Variants in INPP5D observed in about 807,000 individuals in gnomAD.
INPP5D encodes the protein inositol polyphosphate-5-phosphatase D.
Under a neutral mutation model 122.9 loss-of-function variants are expected in INPP5D, and 33 were observed. The observed-to-expected ratio is 0.27, with a 90% CI of 0.20 to 0.36. The LOEUF is 0.36. INPP5D is among the 10% of genes least tolerant of loss of function. INPP5D has a pLI of 1.00. For missense variants in INPP5D, 1,053 were observed against 1,412.7 expected, an observed-to-expected ratio of 0.75 and a Z score of 4.08; for synonymous variants, 584 against 576.2, an observed-to-expected ratio of 1.01 and a Z score of -0.19.
intron 2 of INPP5D, among the ~76,000 whole-genome samples, chr2:233,121,461 A>T (rs1157693122): frequency 6.6e-6 from 1 of 151,522 alleles, no homozygotes; most frequent in Non-Finnish European, 1.5e-5. Flanking sequence ...AAAAAAATCC[A>T]TATTTCTAAT....
In INPP5D at chr2:233,183,383, T is replaced by C. The variant is rs4503982; in HGVS notation, c.2161+884T>C. ...ACTGTCTTCCTGGGGTGCTCTTATC[T>C]ATCCTATTGTATCTAACATCCATGG... On this transcript the variant is annotated intron_variant, in intron 19 of 26. Transcript: ENST00000445964. The surrounding 1 kb of genome is among the most constrained non-coding windows in gnomAD (Gnocchi z 4.6). Among the ~76,000 whole-genome samples the C allele has an allele frequency of 0.49, 74,773 of 152,044 alleles. 18,621 individuals carry two copies. Among genetic ancestry groups the C allele is most frequent in the African/African-American group, 0.51 (21,129 of 41,478 alleles).
In INPP5D at chr2:233,206,516, G is replaced by GT. The variant is rs1695509069; in HGVS notation, c.3568-190_3568-189insT. Reference sequence around the variant, plus strand: ...CACTCCAGACTAGGCAACAGAGTAAGACCCCATTTCTAAAAAACAATTTTT... The same window carrying GT: ...CACTCCAGACTAGGCAACAGAGTAAGTACCCCATTTCTAAAAAACAATTTTT... On this transcript the variant is annotated intron_variant, in intron 26 of 26. Coordinates refer to ENST00000445964, the MANE Select transcript of INPP5D (RefSeq NM_001017915.3). The surrounding 1 kb of genome is among the most constrained non-coding windows in gnomAD (Gnocchi z 4.0). Among the ~76,000 whole-genome samples, 1 of 152,176 alleles carries GT rather than the reference G, an allele frequency of 6.6e-6. No individual in the cohort carries two copies. Among genetic ancestry groups the GT allele is most frequent in the African/African-American group, 2.4e-5 (1 of 41,440 alleles).
intron 1 of INPP5D, 43 bp from the exon 2 acceptor site, chr2:233,079,292 G>C: frequency 8.1e-7 from 1 of 1,228,588 alleles, no homozygotes; most frequent in Non-Finnish European, 1.2e-6. Flanking sequence ...AGGAAACCGG[G>C]TCTTCCTGCA....
chr2:233,170,957 C>A lies in INPP5D; in HGVS notation c.1901-107C>A. ...CCTCTCCTCTTGGAGCCTTTCCAGC[C>A]ATCCTTTCGTCCCCTTTCCCCTGAT... On this transcript the variant is annotated intron_variant, in intron 16 of 26. Coordinates refer to ENST00000445964, the MANE Select transcript of INPP5D (RefSeq NM_001017915.3). This position sits in a 1 kb window ranked among gnomAD's most constrained non-coding sequence, Gnocchi z 4.5. 1 of 1,411,994 alleles carries A rather than the reference C, an allele frequency of 7.1e-7. No homozygotes were observed. The highest frequency in any genetic ancestry group is 9.6e-7 in the Non-Finnish European group (1 of 1,038,160). 87.5% of individuals were successfully genotyped at this position (1,411,994 alleles called of 1,614,324 possible).
chr2:233,114,320 A>G (rs184434765), intron 2 of INPP5D, among the ~76,000 whole-genome samples: 5 of 152,068 alleles, frequency 3.3e-5, no homozygotes, highest in Non-Finnish European at 5.9e-5. Context: ...GTGGGGCCCT[A>G]TGATTCTTAA....
chr2:233,118,781 G>C (rs1485940290), intron 2 of INPP5D, among the ~76,000 whole-genome samples: 2 of 152,216 alleles, frequency 1.3e-5, no homozygotes, highest in African/African-American at 4.8e-5. Context: ...GTGGAGGAAG[G>C]CTCCCTCCTC....
intron 2 of INPP5D, among the ~76,000 whole-genome samples, chr2:233,093,932 C>T (rs1028329802): frequency 1.2e-4 from 19 of 152,126 alleles, no homozygotes; most frequent in Non-Finnish European, 2.2e-4. Flanking sequence ...CACCCTTCTT[C>T]TGCCTCCTGG....
intron 5 of INPP5D, among the ~76,000 whole-genome samples, chr2:233,132,062 G>C (rs1479692914): frequency 6.6e-6 from 1 of 152,188 alleles, no homozygotes; most frequent in East Asian, 1.9e-4. Flanking sequence ...TAGCTAATTG[G>C]ACCTGGAGCT....
At chr2:233,102,181 T>C (rs1306510060) in intron 2 of INPP5D, among the ~76,000 whole-genome samples, 1 of 152,230 alleles carries the variant, frequency 6.6e-6, no homozygotes, top group Non-Finnish European at 1.5e-5. Context: ...CATTCGTAGC[T>C]GACATGGTGT....
intron 2 of INPP5D, among the ~76,000 whole-genome samples, chr2:233,101,659 T>C (rs918270395): frequency 9.7e-5 from 14 of 144,222 alleles, no homozygotes; most frequent in Non-Finnish European, 2.0e-4. Flanking sequence ...TAACATATAA[T>C]AGATATTATA....
At chr2:233,167,576 G>A (rs1229330380) in intron 13 of INPP5D, among the ~76,000 whole-genome samples, 1 of 152,150 alleles carries the variant, frequency 6.6e-6, no homozygotes, top group Non-Finnish European at 1.5e-5. Flanking sequence ...GAGGGGCAGG[G>A]CTGGAGAGCT....
In INPP5D at chr2:233,164,024, C is replaced by A; in HGVS notation, c.1437+121C>A. The A allele has an allele frequency of 6.9e-7, 1 of 1,449,608 alleles. No individual in the cohort carries two copies. 89.8% of individuals were successfully genotyped at this position (1,449,608 alleles called of 1,614,324 possible). On this transcript the variant is annotated intron_variant, in intron 12 of 26. Transcript: ENST00000445964. The surrounding 1 kb of genome is among the most constrained non-coding windows in gnomAD (Gnocchi z 4.3). The stretch of plus-strand genomic sequence containing the variant: ...CTCAGTTTTCAAGGATGTCTGGAGG[C>A]CCCCACTGAGAGATGCGTCTGTATT...
Position 233,198,237 on chromosome 2 carries a change from C to G in INPP5D, c.2836C>G (p.Gln946Glu). The change falls in exon 25 of 27, where the codon CAG (glutamine) becomes GAG (glutamate). Residue 946 changes from glutamine (Q) to glutamate (E), a missense_variant. Transcript: ENST00000445964. ...DQQPTAWSYDQPPKDSPLGPC... is the reference protein window; with the variant it reads ...DQQPTAWSYDEPPKDSPLGPC... ...GCAGCCCACAGCCTGGAGCTACGAC[C>G]AGCCGCCCAAGGACTCCCCGCTGGG... is the stretch of plus-strand genomic sequence containing the variant. 1 of 1,613,628 alleles carries G rather than the reference C, an allele frequency of 6.2e-7. No individual in the cohort carries two copies. The highest frequency in any genetic ancestry group is 8.5e-7 in the Non-Finnish European group (1 of 1,179,886).
chr2:233,171,058 T>G lies in INPP5D; in HGVS notation c.1901-6T>G. The G allele has an allele frequency of 6.2e-7, 1 of 1,613,738 alleles. No individual in the cohort carries two copies. Among genetic ancestry groups the G allele is most frequent in the Non-Finnish European group, 8.5e-7 (1 of 1,179,812 alleles). ...CAGAATTAAAACGAAAGTCTCTCTGTTTCAGAGGAGGAAGAAATCACGTTT... is the reference window on the plus strand; with the variant it reads ...CAGAATTAAAACGAAAGTCTCTCTGGTTCAGAGGAGGAAGAAATCACGTTT... On this transcript the variant is annotated splice_polypyrimidine_tract_variant and splice_region_variant and intron_variant, in intron 16 of 26. Coordinates refer to ENST00000445964, the MANE Select transcript of INPP5D (RefSeq NM_001017915.3).
Position 233,193,805 on chromosome 2 carries a change from C to T in INPP5D, c.2447-7C>T. ...CTTCACCCAGCTGTCTCCCACTTTC[C>T]CTGCAGGCGAGGGCTGCATTGCCCT... On this transcript the variant is annotated splice_polypyrimidine_tract_variant and splice_region_variant and intron_variant, in intron 22 of 26. Coordinates refer to ENST00000445964, the MANE Select transcript of INPP5D (RefSeq NM_001017915.3). The T allele has an allele frequency of 6.2e-7, 1 of 1,613,916 alleles. No homozygotes were observed. Among genetic ancestry groups the T allele is most frequent in the Non-Finnish European group, 8.5e-7 (1 of 1,179,900 alleles).
At chr2:233,167,661 T>C (rs923170490) in intron 13 of INPP5D, among the ~76,000 whole-genome samples, 1 of 152,096 alleles carries the variant, frequency 6.6e-6, no homozygotes, top group Non-Finnish European at 1.5e-5. Context: ...TTGAGCCAGG[T>C]GATATCCAGG....
intron 1 of INPP5D, among the ~76,000 whole-genome samples, chr2:233,061,139 G>A (rs531134775): frequency 2.7e-4 from 41 of 152,208 alleles, no homozygotes; most frequent in African/African-American, 8.9e-4. Flanking sequence ...TGCTTTCAGG[G>A]GCCTGAGAGC....
intron 2 of INPP5D, among the ~76,000 whole-genome samples, chr2:233,094,027 A>G (rs938182992): frequency 6.6e-6 from 1 of 152,122 alleles, no homozygotes; most frequent in Non-Finnish European, 1.5e-5. Flanking sequence ...GAGATTCTCT[A>G]CAGCTGTGCT....
intron 17 of INPP5D, among the ~76,000 whole-genome samples, chr2:233,174,312 A>G (rs954262488): frequency 2.6e-5 from 4 of 152,248 alleles, no homozygotes; most frequent in African/African-American, 9.6e-5. Flanking sequence ...GAAGCATGTG[A>G]GTAATGTGTT....
Sources: allele counts gnomAD v4.1 joint callset (sites outside exome capture counted in the v4.1 genomes callset), GRCh38; gene constraint gnomAD v4.1.1; non-coding constraint Gnocchi (gnomAD v3.1); transcripts MANE v1.5; gene names NCBI Gene and HGNC (gene_info 2026-07-23, HGNC 2026-07-21).